The following CCBE1 variants were observed in gnomAD, a reference collection of about 807,000 sequenced individuals.
The protein encoded by CCBE1 is collagen and calcium-binding EGF domain-containing protein 1.
A neutral mutation model predicts 50.0 loss-of-function variants in CCBE1; 37 were observed. That is an observed-to-expected ratio of 0.74 (90% CI 0.57 to 0.97). The LOEUF (loss-of-function observed/expected upper bound fraction) is 0.97. CCBE1 is among the 50% of genes least tolerant of loss of function. The pLI, the probability that CCBE1 is intolerant of heterozygous loss-of-function variation, is 0.00. For synonymous variants in CCBE1, 234 were observed against 203.7 expected (o/e 1.15, Z -1.27); for missense variants, 538 against 523.8 (o/e 1.03, Z -0.26).
chr18:59,515,790 C>G (rs1292944701), intron 2 of CCBE1, among the ~76,000 whole-genome samples: 2 of 152,096 alleles, frequency 1.3e-5, no homozygotes, highest in Non-Finnish European at 2.9e-5. Context: ...TGCCACTTTC[C>G]AGCTATGACT....
At chr18:59,485,876 C>T (rs1027961647) in intron 2 of CCBE1, among the ~76,000 whole-genome samples, 25 of 151,642 alleles carry the variant, frequency 1.6e-4, no homozygotes, top group Admixed American at 4.6e-4. Context: ...GCTAGGATTA[C>T]AGGCATGAGC....
At chr18:59,658,751 G>A (rs2054240188) in intron 2 of CCBE1, among the ~76,000 whole-genome samples, 1 of 151,286 alleles carries the variant, frequency 6.6e-6, no homozygotes, top group Middle Eastern at 3.2e-3. Context: ...GTGGTAGCGT[G>A]TACCTATAGT....
chr18:59,650,156 C>G (rs1365266107), intron 2 of CCBE1, among the ~76,000 whole-genome samples: 2 of 152,030 alleles, frequency 1.3e-5, no homozygotes, highest in Non-Finnish European at 2.9e-5. Context: ...TCAGAAGCTT[C>G]TGCTCACAGA....
chr18:59,616,178 C>G (rs1210954339), intron 2 of CCBE1, among the ~76,000 whole-genome samples: 3 of 152,122 alleles, frequency 2.0e-5, no homozygotes, highest in Non-Finnish European at 4.4e-5. Flanking sequence ...CCCTGTCAAA[C>G]CAGTGAGGGC....
At chr18:59,632,795 G>A (rs57829596) in intron 2 of CCBE1, among the ~76,000 whole-genome samples, 3,861 of 147,122 alleles carry the variant, frequency 0.026, 167 homozygotes, top group African/African-American at 0.094. Flanking sequence ...TTTTAATAGA[G>A]ACGGGGTTTC....
At chr18:59,658,441 A>G (rs561688116) in intron 2 of CCBE1, among the ~76,000 whole-genome samples, 39 of 109,862 alleles carry the variant, frequency 3.5e-4, no homozygotes, top group African/African-American at 1.3e-3. Context: ...GGTGGCATGC[A>G]CTTGAGGTCC....
At chr18:59,505,690 T>C (rs762039739) in intron 2 of CCBE1, among the ~76,000 whole-genome samples, 2 of 152,194 alleles carry the variant, frequency 1.3e-5, no homozygotes, top group Non-Finnish European at 2.9e-5. Context: ...GTATAAAAGA[T>C]AAATATAGCA....
At chr18:59,597,925 A>C (rs1363975284) in intron 2 of CCBE1, among the ~76,000 whole-genome samples, 2 of 152,224 alleles carry the variant, frequency 1.3e-5, no homozygotes, top group South Asian at 2.1e-4. Context: ...TAAATAGTTT[A>C]TTTCTAATCT....
At chr18:59,485,219 G>C (rs951075997) in intron 2 of CCBE1, among the ~76,000 whole-genome samples, 3 of 152,160 alleles carry the variant, frequency 2.0e-5, no homozygotes, top group African/African-American at 7.2e-5. Context: ...AAAGTCTGTG[G>C]AGTTTCCCCC....
chr18:59,584,937 T>G (rs1024867184), intron 2 of CCBE1, among the ~76,000 whole-genome samples: 2 of 152,186 alleles, frequency 1.3e-5, no homozygotes, highest in African/African-American at 4.8e-5. Flanking sequence ...AGTTTGATTC[T>G]ATGACTCTCC....
intron 2 of CCBE1, among the ~76,000 whole-genome samples, chr18:59,547,045 G>GAC (rs758767551): frequency 0.079 from 6,471 of 81,412 alleles, 348 homozygotes; most frequent in African/African-American, 0.14. Flanking sequence ...AAGAGAGGGG[G>GAC]AGAGAGGGGG....
intron 2 of CCBE1, among the ~76,000 whole-genome samples, chr18:59,605,210 T>C (rs924509204): frequency 6.6e-6 from 1 of 152,228 alleles, no homozygotes; most frequent in African/African-American, 2.4e-5. Flanking sequence ...GGCAGTGATA[T>C]GAACTTTGAT....
intron 4 of CCBE1, 83 bp downstream of exon 4, chr18:59,469,390 G>A: frequency 6.4e-7 from 1 of 1,566,490 alleles, no homozygotes; most frequent in Non-Finnish European, 8.8e-7. Flanking sequence ...ACAAGTATGA[G>A]AACTGAAGGG....
At chr18:59,612,115 C>A (rs1424682343) in intron 2 of CCBE1, among the ~76,000 whole-genome samples, 1 of 152,156 alleles carries the variant, frequency 6.6e-6, no homozygotes. Flanking sequence ...GTCAACAAGT[C>A]TTTGCACATT....
chr18:59,561,011 C>T (rs1032913545), intron 2 of CCBE1, among the ~76,000 whole-genome samples: 2 of 151,878 alleles, frequency 1.3e-5, no homozygotes, highest in African/African-American at 2.4e-5. Flanking sequence ...GAGCGTCCCC[C>T]CATTCCAAAT....
chr18:59,501,268 G>A (rs644887), intron 2 of CCBE1, among the ~76,000 whole-genome samples: 105,293 of 151,684 alleles, frequency 0.69, 37,849 homozygotes, highest in East Asian at 0.95. Flanking sequence ...GGGCTGCTTC[G>A]TCCTCCATAG....
intron 2 of CCBE1, among the ~76,000 whole-genome samples, chr18:59,591,436 C>T (rs188910295): frequency 6.6e-6 from 1 of 152,042 alleles, no homozygotes; most frequent in Non-Finnish European, 1.5e-5. Context: ...TCATGTATCA[C>T]AAATTAAAGG....
chr18:59,550,962 G>A (rs1355887096), intron 2 of CCBE1, among the ~76,000 whole-genome samples: 5 of 124,646 alleles, frequency 4.0e-5, no homozygotes, highest in Admixed American at 2.1e-4. Context: ...CTGAGATCGC[G>A]CCACTGCACT....
chr18:59,672,966 T>G (rs1192851061), intron 2 of CCBE1, among the ~76,000 whole-genome samples: 1 of 151,966 alleles, frequency 6.6e-6, no homozygotes, highest in African/African-American at 2.4e-5. Context: ...AACTTACTCA[T>G]GTAACCAAGT....
Sources: allele counts gnomAD v4.1 joint callset (sites outside exome capture counted in the v4.1 genomes callset), GRCh38; gene constraint gnomAD v4.1.1; transcripts MANE v1.5; gene names NCBI Gene and HGNC (gene_info 2026-07-23, HGNC 2026-07-21).